CPA3: variants seen among roughly 807,000 people sequenced by gnomAD.
CPA3 encodes the protein mast cell carboxypeptidase A.
In CPA3, 52 loss-of-function variants were observed where a neutral mutation model predicts 55.8. That is an observed-to-expected ratio of 0.93 (90% CI 0.75 to 1.17). CPA3 has a LOEUF of 1.17. Among genes scored for constraint, CPA3 ranks in the 50% most tolerant of loss-of-function variants. The pLI is 0.00. For synonymous variants in CPA3, 179 were observed against 171.2 expected (o/e 1.05, Z -0.36); for missense variants, 547 against 509.1 (o/e 1.07, Z -0.72).
At chr3:148,887,656 A>C (rs1714569514) in intron 10 of CPA3, among the ~76,000 whole-genome samples, 1 of 152,104 alleles carries the variant, frequency 6.6e-6, no homozygotes, top group Non-Finnish European at 1.5e-5. Flanking sequence ...TCTTACAGCA[A>C]CTCCCACTAA....
intron 2 of CPA3, among the ~76,000 whole-genome samples, chr3:148,865,959 A>G (rs936544074): frequency 2.0e-5 from 3 of 152,196 alleles, no homozygotes; most frequent in Non-Finnish European, 4.4e-5. Context: ...TAATATCAAG[A>G]TGTGACCCTT....
chr3:148,891,562 C>G (rs1714673891), intron 10 of CPA3, among the ~76,000 whole-genome samples: 1 of 151,948 alleles, frequency 6.6e-6, no homozygotes, highest in Non-Finnish European at 1.5e-5. Context: ...AAAGTAAAAA[C>G]TTGCAATGTT....
chr3:148,879,936 C>G (rs775862844), intron 6 of CPA3, 47 bp downstream of exon 6: 16 of 1,288,074 alleles, frequency 1.2e-5, no homozygotes, highest in Non-Finnish European at 1.8e-5. Flanking sequence ...TGCCAAGTCT[C>G]CAGCACTTCA....
Position 148,865,390 on chromosome 3 carries a change from C to T in CPA3, c.68+15C>T. On this transcript the variant is annotated intron_variant, in intron 1 of 10. Coordinates refer to ENST00000296046, the MANE Select transcript of CPA3 (RefSeq NM_001870.4). Reference sequence around the variant, plus strand: ...CGCTTTGACAGGTAAATCTTACTTCCTGTGTTCCAGTCTCTGTGTAGAAGA... The same window carrying T: ...CGCTTTGACAGGTAAATCTTACTTCTTGTGTTCCAGTCTCTGTGTAGAAGA... The T allele has an allele frequency of 1.2e-6, 2 of 1,614,008 alleles. No individual in the cohort carries two copies. Among genetic ancestry groups the T allele is most frequent in the Non-Finnish European group, 1.7e-6 (2 of 1,179,954 alleles).
chr3:148,870,255 C>T (rs1714027762), intron 3 of CPA3, among the ~76,000 whole-genome samples: 1 of 151,546 alleles, frequency 6.6e-6, no homozygotes, highest in Non-Finnish European at 1.5e-5. Flanking sequence ...AACACTAGTT[C>T]ATTTTTTTTT....
At chr3:148,879,524 C>T (rs531910859) in intron 5 of CPA3, among the ~76,000 whole-genome samples, 1 of 152,140 alleles carries the variant, frequency 6.6e-6, no homozygotes, top group Admixed American at 6.5e-5. Flanking sequence ...CAATGGACTA[C>T]AAATTTTTTT....
intron 2 of CPA3, among the ~76,000 whole-genome samples, chr3:148,868,668 A>G (rs533569025): frequency 6.6e-6 from 1 of 151,700 alleles, no homozygotes; most frequent in Non-Finnish European, 1.5e-5. Flanking sequence ...TTAACTTGAT[A>G]GACCTGAAGT....
At chr3:148,893,726 C>T (rs754153347) in intron 10 of CPA3, among the ~76,000 whole-genome samples, 29 of 152,132 alleles carry the variant, frequency 1.9e-4, no homozygotes, top group African/African-American at 6.5e-4. Context: ...CATCAAAGTA[C>T]ATCATAATTA....
intron 10 of CPA3, among the ~76,000 whole-genome samples, chr3:148,888,913 T>C (rs190795248): frequency 1.6e-4 from 25 of 152,296 alleles, no homozygotes; most frequent in African/African-American, 6.0e-4. Flanking sequence ...CACAATAAAC[T>C]ACTCTTAAGG....
At chr3:148,881,706 C>A in intron 7 of CPA3, 74 bp downstream of exon 7, 2 of 832,682 alleles carry the variant, frequency 2.4e-6, no homozygotes, top group South Asian at 2.3e-5. Flanking sequence ...ATGCATTCAG[C>A]TTAGGGTTTA....
intron 10 of CPA3, among the ~76,000 whole-genome samples, chr3:148,889,035 T>C (rs1475400156): frequency 6.6e-6 from 1 of 152,236 alleles, no homozygotes; most frequent in East Asian, 1.9e-4. Flanking sequence ...CTATTCTGTT[T>C]AACTGTGCAG....
In CPA3 at chr3:148,878,885, A is replaced by C. The variant is rs369341487; in HGVS notation, c.474+137A>C. ...AAGAATATTTAAGCTCTAGACATCC[A>C]TTAAAGAATAGAAATGACAAGCGGT... On this transcript the variant is annotated intron_variant, in intron 5 of 10. Transcript: ENST00000296046. The C allele has an allele frequency of 5.1e-5, 30 of 589,326 alleles. No homozygotes were observed. The African/African-American group carries it at 5.7e-4, about 11-fold the overall frequency. The allele number at this position is 589,326 out of a possible 1,614,324, so 36.5% of individuals were successfully genotyped here. A position where few individuals can be genotyped will look rare whatever the true frequency, so the allele number is the denominator to read the frequency against.
chr3:148,892,179 T>G lies in CPA3; in HGVS notation c.1067-4341T>G, dbSNP rs902595059. On this transcript the variant is annotated intron_variant, in intron 10 of 10. Coordinates refer to ENST00000296046, the MANE Select transcript of CPA3 (RefSeq NM_001870.4). ...TTTCCAAAAAATAGGGTACAATATATGGATACTTCCTCAGGTTCTCTCCTC... is the reference window on the plus strand; with the variant it reads ...TTTCCAAAAAATAGGGTACAATATAGGGATACTTCCTCAGGTTCTCTCCTC... Among the ~76,000 whole-genome samples, 3 of 152,258 alleles carry G rather than the reference T, an allele frequency of 2.0e-5. No individual in the cohort carries two copies. The South Asian group carries it at 6.2e-4, about 32-fold the overall frequency.
At position 148,883,637 on chromosome 3, in the gene CPA3, G is replaced by A. The variant is rs1253905041; in HGVS notation, c.803G>A (p.Cys268Tyr). ...WNSIPNTNDP[C>Y]ADNYRGSAPE... is the part of the protein sequence containing the mutation. ...GCCATTCCTAACACCAATGACCCAT[G>A]TGCAGATAACTATCGGGGCTCTGCA... The change falls in exon 9 of 11, where the codon TGT (cysteine) becomes TAT (tyrosine). Residue 268 changes from cysteine (C) to tyrosine (Y), a missense_variant. Coordinates refer to ENST00000296046, the MANE Select transcript of CPA3 (RefSeq NM_001870.4). The A allele has an allele frequency of 6.2e-7, 1 of 1,613,868 alleles. No individual in the cohort carries two copies. The highest frequency in any genetic ancestry group is 1.3e-5 in the African/African-American group (1 of 74,914).
At chr3:148,877,755 G>C (rs1714246096) in intron 3 of CPA3, among the ~76,000 whole-genome samples, 1 of 152,202 alleles carries the variant, frequency 6.6e-6, no homozygotes, top group South Asian at 2.1e-4. Flanking sequence ...ATGGAGGTCA[G>C]AGCGATGCCT....
At chr3:148,881,491 C>T (rs1468958930) in intron 6 of CPA3, 31 bp from the exon 7 acceptor site, 3 of 1,370,894 alleles carry the variant, frequency 2.2e-6, no homozygotes, top group Non-Finnish European at 2.1e-6. Flanking sequence ...AACTTCATAC[C>T]AATAGCTTAA....
At position 148,882,524 on chromosome 3, in the gene CPA3, A is replaced by G. The variant is rs975049062; in HGVS notation, c.707A>G (p.Asn236Ser). Residue 236 changes from asparagine to serine, a missense_variant, in exon 8 of 11, where the codon AAT becomes AGT. Coordinates refer to ENST00000296046, the MANE Select transcript of CPA3 (RefSeq NM_001870.4). ...TGGCAGAACCGCATGTGGAGAAAAA[A>G]TCGTTCCAAGAACCAAAACTCCAAA... ...SWTKNRMWRK[N>S]RSKNQNSKCI... The G allele has an allele frequency of 2.5e-5, 40 of 1,613,626 alleles. No homozygotes were observed. Among genetic ancestry groups the G allele is most frequent in the African/African-American group, 4.0e-5 (3 of 74,906 alleles).
intron 10 of CPA3, among the ~76,000 whole-genome samples, chr3:148,893,850 A>G (rs1348108296): frequency 2.0e-5 from 3 of 152,224 alleles, no homozygotes; most frequent in African/African-American, 2.4e-5. Context: ...CATGGAAGTC[A>G]AAAGGAAGTG....
intron 10 of CPA3, among the ~76,000 whole-genome samples, chr3:148,892,640 G>T (rs940873816): frequency 1.4e-4 from 22 of 151,874 alleles, no homozygotes; most frequent in Admixed American, 6.6e-5. Context: ...GCAACAAAGT[G>T]AGACTCTATC....
Sources: gnomAD v4.1 joint callset for allele counts (sites outside exome capture counted in the v4.1 genomes callset) on GRCh38, gnomAD v4.1.1 for gene constraint, MANE v1.5 for transcripts, NCBI Gene and HGNC (gene_info 2026-07-23, HGNC 2026-07-21) for gene names.